The following IQCK variants were observed in gnomAD, a reference collection of about 807,000 sequenced individuals.
IQCK encodes IQ domain-containing protein K.
IQCK carries 29 observed loss-of-function variants against 28.1 expected under a neutral mutation model. The ratio of observed to expected loss-of-function variants is 1.03; its 90% CI spans 0.77 to 1.41. The LOEUF is 1.41. Among genes scored for constraint, IQCK ranks in the 40% most tolerant of loss-of-function variants. IQCK has a pLI of 0.00. For synonymous variants in IQCK, 113 were observed against 115.1 expected (o/e 0.98, Z 0.12); for missense variants, 359 against 314.7 (o/e 1.14, Z -1.07).
At chr16:19,731,643 T>C (rs1977843912) in intron 2 of IQCK, among the ~76,000 whole-genome samples, 1 of 152,226 alleles carries the variant, frequency 6.6e-6, no homozygotes, top group Non-Finnish European at 1.5e-5. Flanking sequence ...GAGATTTGAT[T>C]GTTTATTAAT....
intron 7 of IQCK, among the ~76,000 whole-genome samples, chr16:19,826,312 T>A (rs922825739): frequency 6.6e-6 from 1 of 151,956 alleles, no homozygotes; most frequent in East Asian, 1.9e-4. Context: ...CCCAGCATAA[T>A]TTTTTTTAAT....
intron 4 of IQCK, 87 bp from the exon 5 acceptor site, chr16:19,763,761 A>G: frequency 9.4e-7 from 1 of 1,061,174 alleles, no homozygotes; most frequent in Non-Finnish European, 1.5e-6. Flanking sequence ...GCTTTATTGA[A>G]AAAAGTCATG....
chr16:19,824,996 T>C (rs183869985), intron 7 of IQCK, among the ~76,000 whole-genome samples: 143 of 152,292 alleles, frequency 9.4e-4, no homozygotes, highest in African/African-American at 3.3e-3. Context: ...TGCCCCTTTG[T>C]TTTCCCTTGC....
At chr16:19,840,310 C>T (rs1477370004) in intron 9 of IQCK, among the ~76,000 whole-genome samples, 2 of 150,852 alleles carry the variant, frequency 1.3e-5, no homozygotes, top group East Asian at 2.0e-4. Context: ...GAGCCAAGAT[C>T]GCACCATTGC....
intron 1 of IQCK, among the ~76,000 whole-genome samples, chr16:19,723,960 CAAAA>C (rs573020918): frequency 3.1e-4 from 32 of 104,392 alleles, no homozygotes; most frequent in African/African-American, 9.3e-4. Flanking sequence ...ACTCTTGTTT[CAAAA>C]AAAAAAAAAA....
chr16:19,730,390 T>A (rs768195121), intron 1 of IQCK, 40 bp from the exon 2 acceptor site: 1 of 1,441,444 alleles, frequency 6.9e-7, no homozygotes, highest in Non-Finnish European at 9.5e-7. Flanking sequence ...GAAACTCTAG[T>A]GAAGTATGGA....
chr16:19,829,515 T>C (rs1429946315), downstream of IQCK, among the ~76,000 whole-genome samples: 1 of 151,982 alleles, frequency 6.6e-6, no homozygotes, highest in East Asian at 1.9e-4. Context: ...TTTCGTTTTT[T>C]TCGTAGAGAC....
intron 4 of IQCK, among the ~76,000 whole-genome samples, chr16:19,762,751 A>G (rs2055166958): frequency 6.6e-6 from 1 of 152,192 alleles, no homozygotes; most frequent in Non-Finnish European, 1.5e-5. Flanking sequence ...ACAGTGGCTC[A>G]CACCTGTAAT....
At chr16:19,745,673 A>G (rs1189734667) in intron 4 of IQCK, among the ~76,000 whole-genome samples, 2 of 152,172 alleles carry the variant, frequency 1.3e-5, no homozygotes, top group Admixed American at 6.5e-5. Flanking sequence ...AACTACCTGA[A>G]AACTTCATGG....
chr16:19,763,048 T>C (rs2055172726), intron 4 of IQCK, among the ~76,000 whole-genome samples: 2 of 152,082 alleles, frequency 1.3e-5, no homozygotes, highest in Non-Finnish European at 2.9e-5. Context: ...CTAAAACTTT[T>C]GACTCCCTCA....
chr16:19,851,096 T>A (rs763386708), intron 9 of IQCK, among the ~76,000 whole-genome samples: 3 of 152,212 alleles, frequency 2.0e-5, no homozygotes, highest in Non-Finnish European at 4.4e-5. Context: ...TGCTGAGCAC[T>A]TTGCATTTTG....
At chr16:19,723,455 T>A (rs1203525528) in intron 1 of IQCK, among the ~76,000 whole-genome samples, 2 of 152,180 alleles carry the variant, frequency 1.3e-5, no homozygotes, top group Non-Finnish European at 2.9e-5. Flanking sequence ...CTAGGTGCAT[T>A]ACTTCTCATT....
chr16:19,724,458 G>A (rs534300239), intron 1 of IQCK, among the ~76,000 whole-genome samples: 3 of 152,126 alleles, frequency 2.0e-5, no homozygotes, highest in Non-Finnish European at 2.9e-5. Flanking sequence ...CACTCCCAGC[G>A]TCATCTTCCT....
chr16:19,742,350 C>T (rs1185198620), intron 4 of IQCK, among the ~76,000 whole-genome samples: 3 of 152,168 alleles, frequency 2.0e-5, no homozygotes, highest in Non-Finnish European at 2.9e-5. Flanking sequence ...CGGATTCCCT[C>T]CATGTTCCCC....
At chr16:19,829,302 T>A (rs1260146943), downstream of IQCK, among the ~76,000 whole-genome samples, 1 of 151,332 alleles carries the variant, frequency 6.6e-6, no homozygotes, top group African/African-American at 2.4e-5. Flanking sequence ...AATGTGCCAA[T>A]GCCTTCTTCA....
At chr16:19,728,950 G>T (rs1977743841) in intron 1 of IQCK, among the ~76,000 whole-genome samples, 1 of 152,104 alleles carries the variant, frequency 6.6e-6, no homozygotes, top group Admixed American at 6.5e-5. Context: ...ATACCGTCTT[G>T]CCCACAAATT....
chr16:19,839,018 CAAAAAAAAAAAAA>C (rs71146274), intron 9 of IQCK, among the ~76,000 whole-genome samples: 1 of 42,582 alleles, frequency 2.3e-5, no homozygotes, highest in African/African-American at 8.2e-5. Flanking sequence ...GACTCCATAG[CAAAAAAAAAAAAA>C]AAAAAAAAAA....
chr16:19,817,836 C>A (rs1219366895), intron 7 of IQCK, among the ~76,000 whole-genome samples: 2 of 152,164 alleles, frequency 1.3e-5, no homozygotes, highest in Non-Finnish European at 2.9e-5. Flanking sequence ...GTGACAGTCC[C>A]TGATGACGAA....
At chr16:19,781,470 C>A (rs1361686704) in intron 6 of IQCK, among the ~76,000 whole-genome samples, 1 of 152,054 alleles carries the variant, frequency 6.6e-6, no homozygotes, top group African/African-American at 2.4e-5. Context: ...AGTGAAGGGG[C>A]CAAAGCAACA....
Sources: allele counts gnomAD v4.1 joint callset (sites outside exome capture counted in the v4.1 genomes callset), GRCh38; gene constraint gnomAD v4.1.1; transcripts MANE v1.5; gene names NCBI Gene and HGNC (gene_info 2026-07-23, HGNC 2026-07-21).